SSH2: variants seen among roughly 807,000 people sequenced by gnomAD.
SSH2 encodes the protein slingshot protein phosphatase 2.
Under a neutral mutation model 135.2 loss-of-function variants are expected in SSH2, and 37 were observed. The observed-to-expected ratio is 0.27, with a 90% confidence interval of 0.21 to 0.36. The LOEUF (loss-of-function observed/expected upper bound fraction) is 0.36. Ranked by LOEUF, SSH2 falls within the 10% of genes least tolerant of loss-of-function variation. The probability of loss-of-function intolerance (pLI) is 1.00; values close to 1 mark genes in which losing one functional copy is unlikely to be tolerated. For missense variants in SSH2, 1,408 were observed against 1,765.3 expected (o/e 0.80, Z 3.63); for synonymous variants, 628 against 646.2 (o/e 0.97, Z 0.43).
chr17:29,717,381 C>A lies in SSH2; in HGVS notation c.189-14319G>T, dbSNP rs957288925. ...GAACTTCTGGACTCAAGCAATCCTCCCACTTTGGCCTCCCAAGGTGAGGAG... is the reference window on the plus strand; with the variant it reads ...GAACTTCTGGACTCAAGCAATCCTCACACTTTGGCCTCCCAAGGTGAGGAG... On this transcript the variant is annotated intron_variant, in intron 3 of 15. Transcript: ENST00000540801. Among the ~76,000 whole-genome samples, 5 of 152,200 alleles carry A rather than the reference C, an allele frequency of 3.3e-5. 1 individual carries two copies. Among genetic ancestry groups the A allele is most frequent in the Admixed American group, 3.3e-4 (5 of 15,274 alleles).
intron 1 of SSH2, among the ~76,000 whole-genome samples, chr17:29,914,288 T>TG (rs1261077573): frequency 6.6e-6 from 1 of 151,928 alleles, no homozygotes; most frequent in Non-Finnish European, 1.5e-5. Context: ...TGGCCAGGTG[T>TG]GGTGGCTCAC....
At chr17:29,639,336 C>T (rs1042990465) in intron 14 of SSH2, among the ~76,000 whole-genome samples, 2 of 152,046 alleles carry the variant, frequency 1.3e-5, no homozygotes, top group Non-Finnish European at 2.9e-5. Context: ...TAAGTATGGT[C>T]CTTGGGGGTG....
chr17:29,793,443 G>C (rs968248947), intron 3 of SSH2, among the ~76,000 whole-genome samples: 1 of 152,142 alleles, frequency 6.6e-6, no homozygotes, highest in African/African-American at 2.4e-5. Context: ...ACTGAAGGCT[G>C]AAATGTTCTT....
intron 1 of SSH2, among the ~76,000 whole-genome samples, chr17:29,879,373 GTT>G (rs5819875): frequency 1.8e-3 from 238 of 135,996 alleles, no homozygotes; most frequent in East Asian, 9.9e-3. Context: ...GCTTTCTGCT[GTT>G]TTTTTTTTTT....
intron 2 of SSH2, among the ~76,000 whole-genome samples, chr17:29,842,777 A>C (rs950038002): frequency 6.6e-6 from 1 of 152,176 alleles, no homozygotes; most frequent in Admixed American, 6.5e-5. Flanking sequence ...TCATGGTAAA[A>C]CTATGTTTGC....
intron 1 of SSH2, among the ~76,000 whole-genome samples, chr17:29,873,446 C>G (rs1426690595): frequency 6.6e-6 from 1 of 152,078 alleles, no homozygotes; most frequent in Admixed American, 6.5e-5. Flanking sequence ...GTAATCCCAG[C>G]TGCTCGGGAG....
intron 3 of SSH2, among the ~76,000 whole-genome samples, chr17:29,741,072 T>C (rs1388958609): frequency 6.6e-6 from 1 of 152,220 alleles, no homozygotes; most frequent in East Asian, 1.9e-4. Context: ...GCTCACAAAC[T>C]AGAGCATGTT....
intron 2 of SSH2, among the ~76,000 whole-genome samples, chr17:29,836,486 A>G (rs1420380197): frequency 1.3e-5 from 2 of 152,214 alleles, no homozygotes; most frequent in Non-Finnish European, 1.5e-5. Flanking sequence ...TAATTGTGGA[A>G]TAAATAAGCT....
At chr17:29,692,544 TG>T (rs1401084519) in intron 5 of SSH2, among the ~76,000 whole-genome samples, 1 of 152,264 alleles carries the variant, frequency 6.6e-6, no homozygotes, top group Non-Finnish European at 1.5e-5. Flanking sequence ...GCTCTGCCTT[TG>T]TAACTGCTTC....
At chr17:29,927,589 C>T (rs1019349845) in intron 1 of SSH2, among the ~76,000 whole-genome samples, 4 of 152,138 alleles carry the variant, frequency 2.6e-5, no homozygotes, top group African/African-American at 9.7e-5. Context: ...TATTTTAAAA[C>T]AAACAACCCA....
rs56313989 is a variant in SSH2 at position 29,824,820 on chromosome 17, T to C, written c.144+24029A>G. The stretch of plus-strand genomic sequence containing the variant: ...TTTTTGCCTGCCCCATCAATTCCTC[T>C]TCTGATAATAACTTATTTTCTTGCA... On this transcript the variant is annotated intron_variant, in intron 2 of 15. Transcript: ENST00000540801. 2.2e-3 allele frequency among the ~76,000 whole-genome samples: 342 copies of C among 152,342 alleles called. 1 individual carries two copies. The highest frequency in any genetic ancestry group is 7.9e-3 in the African/African-American group (328 of 41,588).
rs989643012 is a variant in SSH2 at position 29,834,680 on chromosome 17, TCTC to T, written c.144+14166_144+14168del. Among the ~76,000 whole-genome samples the T allele has an allele frequency of 8.9e-4, 136 of 152,216 alleles. 1 individual carries two copies. The highest frequency in any genetic ancestry group is 3.1e-3 in the African/African-American group (127 of 41,552). ...CCCTACTCTAAGATTATAAAAAAAT[TCTC>T]CTACATGATCTTCCTTGTGGTGTCA... On this transcript the variant is annotated intron_variant, in intron 2 of 15. Transcript: ENST00000540801.
chr17:29,835,465 A>G (rs1018186898), intron 2 of SSH2, among the ~76,000 whole-genome samples: 2 of 152,202 alleles, frequency 1.3e-5, no homozygotes, highest in Non-Finnish European at 2.9e-5. Flanking sequence ...CATTCTTTCC[A>G]GATACCTTAA....
At chr17:29,633,466 C>T (rs2035774952) in intron 15 of SSH2, among the ~76,000 whole-genome samples, 1 of 152,210 alleles carries the variant, frequency 6.6e-6, no homozygotes, top group Non-Finnish European at 1.5e-5. Context: ...TCACTGCTCT[C>T]TTTCACTCCT....
At chr17:29,667,816 G>C (rs932650914) in intron 9 of SSH2, among the ~76,000 whole-genome samples, 3 of 152,118 alleles carry the variant, frequency 2.0e-5, no homozygotes, top group Non-Finnish European at 4.4e-5. Flanking sequence ...AACCATGCTG[G>C]GGCAGGAGAA....
At chr17:29,690,012 CAAAAA>C (rs946244880) in intron 5 of SSH2, among the ~76,000 whole-genome samples, 1 of 31,364 alleles carries the variant, frequency 3.2e-5, no homozygotes, top group African/African-American at 1.2e-4. Context: ...AGATCCATCT[CAAAAA>C]AAAAAAAAAA....
chr17:29,901,808 G>A (rs2066561113), intron 1 of SSH2, among the ~76,000 whole-genome samples: 1 of 150,552 alleles, frequency 6.6e-6, no homozygotes, highest in Non-Finnish European at 1.5e-5. Context: ...AAGAGACAGT[G>A]TCTTTCTGTG....
chr17:29,793,119 C>T (rs1225583008), intron 3 of SSH2, among the ~76,000 whole-genome samples: 1 of 151,994 alleles, frequency 6.6e-6, no homozygotes, highest in Non-Finnish European at 1.5e-5. Flanking sequence ...CTAGAACTTA[C>T]CAGGCCTGTT....
At chr17:29,761,291 A>G in intron 3 of SSH2, 1 of 1,282,222 alleles carries the variant, frequency 7.8e-7, no homozygotes, top group Non-Finnish European at 1.0e-6. Flanking sequence ...GCCGGCTCAA[A>G]GTGCACAACT....
Sources: allele counts gnomAD v4.1 joint callset (sites outside exome capture counted in the v4.1 genomes callset), GRCh38; gene constraint gnomAD v4.1.1; transcripts MANE v1.5; gene names NCBI Gene and HGNC (gene_info 2026-07-23, HGNC 2026-07-21).